PIDD1: variants seen among roughly 807,000 people sequenced by gnomAD.
PIDD1 encodes the protein p53-induced death domain protein 1.
A neutral mutation model predicts 80.0 loss-of-function variants in PIDD1; 72 were observed. The observed-to-expected ratio is 0.90, with a 90% CI of 0.74 to 1.09. The LOEUF (loss-of-function observed/expected upper bound fraction) is 1.09, where lower values mean the gene tolerates loss of function less well. PIDD1 is among the 50% of genes least tolerant of loss of function. The pLI, the probability that PIDD1 is intolerant of heterozygous loss-of-function variation, is 0.00. For missense variants in PIDD1, 1,329 were observed against 1,228.3 expected (o/e 1.08, Z -1.23); for synonymous variants, 655 against 543.5 (o/e 1.21, Z -2.85).
chr11:800,105 G>A (rs113472855), intron 14 of PIDD1, 26 bp downstream of exon 14: 10 of 1,605,214 alleles, frequency 6.2e-6, no homozygotes, highest in African/African-American at 2.7e-5. Flanking sequence ...GTCCTGCCCC[G>A]CCCCTCTGCT....
chr11:804,219 T>C lies in PIDD1; in HGVS notation c.170A>G (p.Gln57Arg). 6.2e-7 allele frequency: 1 copy of C among 1,613,118 alleles called. No homozygotes were observed. Among genetic ancestry groups the C allele is most frequent in the Middle Eastern group, 1.6e-4 (1 of 6,062 alleles). ...TTCCACCTGCAGCAGCTGCAGAGGC[T>C]GCTGGACACACAGGTGCAGCAGCTG... is the stretch of plus-strand genomic sequence containing the variant. Reference protein sequence around the residue: ...CQQLLHLCVQQPLQLLQVEFL... With the variant: ...CQQLLHLCVQRPLQLLQVEFL... Residue 57 changes from glutamine (Q) to arginine (R), a missense_variant, in exon 2 of 16, where the codon CAG becomes CGG. Coordinates refer to ENST00000347755, the MANE Select transcript of PIDD1 (RefSeq NM_145886.4).
In PIDD1 at chr11:799,509, G is replaced by A. The variant is rs1283399313; in HGVS notation, c.2531C>T (p.Ala844Val). ...GAGCCCCACAGCCCCTGGCTGCCCA[G>A]CCTGGCGCTCAGCCCAGGAGAAGAG... Reference protein sequence around the residue: ...HMLFSWAERQAGQPGAVGLLV... With the variant: ...HMLFSWAERQVGQPGAVGLLV... Residue 844 changes from alanine (A) to valine (V), a missense_variant, in exon 16 of 16, where the codon GCT becomes GTT. Physicochemically the swap from Ala to Val is moderately conservative, Grantham distance 64. Transcript: ENST00000347755. 6.2e-7 allele frequency: 1 copy of A among 1,606,600 alleles called. No homozygotes were observed. The highest frequency in any genetic ancestry group is 1.1e-5 in the South Asian group (1 of 91,064).
chr11:801,906 G>A, intron 7 of PIDD1, 59 bp downstream of exon 7: 23 of 1,579,454 alleles, frequency 1.5e-5, no homozygotes, highest in Non-Finnish European at 1.9e-5. Context: ...CTGGGCAGAG[G>A]TGCACGGCTC....
At chr11:806,582 CT>C (rs367814833), upstream of PIDD1, among the ~76,000 whole-genome samples, 7,177 of 143,882 alleles carry the variant, frequency 0.05, 412 homozygotes, top group East Asian at 0.26. Context: ...CTGGAGGGAT[CT>C]TTTTTTTTTT....
chr11:800,668 T>A lies in PIDD1; in HGVS notation c.1918-2A>T. ...CAGCCGCCGAAGGGTGGCGTCCACC[T>A]GCGGGGAAGCCCGTGCAGCTCAGGA... On this transcript the variant is annotated splice_acceptor_variant, in intron 11 of 15. Transcript: ENST00000347755. LOFTEE classifies it high-confidence loss of function. 1 of 1,579,402 alleles carries A rather than the reference T, an allele frequency of 6.3e-7. No homozygotes were observed. Among genetic ancestry groups the A allele is most frequent in the South Asian group, 1.1e-5 (1 of 88,342 alleles).
upstream of PIDD1, among the ~76,000 whole-genome samples, chr11:807,559 C>T (rs780877248): frequency 1.1e-4 from 16 of 151,334 alleles, no homozygotes; most frequent in Non-Finnish European, 2.2e-4. Flanking sequence ...GGGTAGATCA[C>T]GAGGTCAGGA....
At chr11:803,649 T>C in intron 2 of PIDD1, 62 bp from the exon 3 acceptor site, 1 of 1,541,226 alleles carries the variant, frequency 6.5e-7, no homozygotes, top group Non-Finnish European at 8.8e-7. Context: ...AGATCGACCC[T>C]GCCAGCCAGA....
upstream of PIDD1, chr11:805,706 C>T (rs1013842222): frequency 1.0e-6 from 1 of 983,748 alleles, no homozygotes. Flanking sequence ...CCTCTCTGGG[C>T]CTGCAAAGAC....
intron 15 of PIDD1, 78 bp from the exon 16 acceptor site, chr11:799,643 G>A: frequency 1.4e-6 from 2 of 1,481,348 alleles, no homozygotes. Context: ...CTCGGAGTGT[G>A]GGGGAGTTCC....
chr11:803,474 G>A lies in PIDD1; in HGVS notation c.409C>T (p.Leu137=), dbSNP rs1383580968. ...AGGACACAGGCCGGCAGTGTCTCCA[G>A]GCTGTTGAAGCTCAGGTCCAGGTGG... ...LAHLDLSFNS[L]ETLPACVLQM... Residue 137 remains leucine (L), a synonymous_variant, in exon 3 of 16, where the codon CTG becomes TTG. Transcript: ENST00000347755. 6.2e-7 allele frequency: 1 copy of A among 1,613,796 alleles called. No homozygotes were observed. Among genetic ancestry groups the A allele is most frequent in the Admixed American group, 1.7e-5 (1 of 60,014 alleles).
At chr11:806,117 A>AAAT (rs1212360591), upstream of PIDD1, 1 of 152,682 alleles carries the variant, frequency 6.5e-6, no homozygotes, top group Non-Finnish European at 1.5e-5. Flanking sequence ...AAAAAAAAAA[A>AAAT]ATCAGATATT....
chr11:808,258 C>G (rs569773371), upstream of PIDD1, among the ~76,000 whole-genome samples: 15 of 151,884 alleles, frequency 9.9e-5, no homozygotes, highest in East Asian at 2.9e-3. Context: ...GAAACCCCGT[C>G]TGTACTAAAA....
At position 801,048 on chromosome 11, in the gene PIDD1, G is replaced by A; in HGVS notation, c.1703C>T (p.Thr568Ile). ...GGTGAGCTCCAGGACCACCTGAGCT[G>A]TGATGTCATCCCAGGTGGCTGCAGG... ...APPAATWDDI[T>I]AQVVLELTHL... Residue 568 changes from threonine to isoleucine, a missense_variant, in exon 10 of 16, where the codon ACA becomes ATA. Coordinates refer to ENST00000347755, the MANE Select transcript of PIDD1 (RefSeq NM_145886.4). 6.2e-7 allele frequency: 1 copy of A among 1,601,316 alleles called. No individual in the cohort carries two copies.
upstream of PIDD1, chr11:805,238 C>T (rs1441041964): frequency 1.0e-5 from 10 of 982,676 alleles, no homozygotes; most frequent in Non-Finnish European, 8.5e-6. Context: ...GCCTGGGATC[C>T]CGCCGGCGCG....
At chr11:804,800 G>C in intron 1 of PIDD1, 1 of 184,054 alleles carries the variant, frequency 5.4e-6, no homozygotes, top group Non-Finnish European at 1.1e-5. Context: ...CCCCAGTCCT[G>C]GAGATGAGTC....
chr11:801,697 A>G, intron 7 of PIDD1, 73 bp from the exon 8 acceptor site: 1 of 1,329,686 alleles, frequency 7.5e-7, no homozygotes, highest in African/African-American at 1.5e-5. Flanking sequence ...AGGGAGCAGG[A>G]TCCAGGAGAG....
At chr11:803,105 T>C in intron 3 of PIDD1, 69 bp downstream of exon 3, 1 of 1,216,548 alleles carries the variant, frequency 8.2e-7, no homozygotes, top group Non-Finnish European at 1.2e-6. Flanking sequence ...CAGAGGCCCC[T>C]GCAGAAGACA....
rs2133794512 is a variant in PIDD1 at position 802,771 on chromosome 11, T to C, written c.830A>G (p.Asp277Gly). Residue 277 changes from aspartate (D) to glycine (G), a missense_variant, in exon 4 of 16, where the codon GAC becomes GGC. Physicochemically the swap from Asp to Gly is moderately conservative, Grantham distance 94. Transcript: ENST00000347755. Reference sequence around the variant, plus strand: ...GGCGTCTAGCAGCTCAGGGGGCAGGTCCCGGAGCTGGTTGTCCCTCAGGTC... The same window carrying C: ...GGCGTCTAGCAGCTCAGGGGGCAGGCCCCGGAGCTGGTTGTCCCTCAGGTC... The part of the protein sequence containing the change: ...RLDLRDNQLR[D>G]LPPELLDAPF... 2 of 1,608,970 alleles carry C rather than the reference T, an allele frequency of 1.2e-6. No individual in the cohort carries two copies. Among genetic ancestry groups the C allele is most frequent in the Non-Finnish European group, 1.7e-6 (2 of 1,178,316 alleles).
In PIDD1 at chr11:803,437, C is replaced by G; in HGVS notation, c.446G>C (p.Gly149Ala). 6.2e-7 allele frequency: 1 copy of G among 1,613,900 alleles called. No homozygotes were observed. Among genetic ancestry groups the G allele is most frequent in the South Asian group, 1.1e-5 (1 of 91,086 alleles). Residue 149 changes from glycine (G) to alanine (A), a missense_variant, in exon 3 of 16, where the codon GGT becomes GCT. Transcript: ENST00000347755. ...TLPACVLQMR[G>A]LGALLLSHNC... is the part of the protein sequence containing the mutation. Reference sequence around the variant, plus strand: ...GTGAGACAGCAAGAGCGCACCCAGACCTCGCATCTGCAGGACACAGGCCGG... The same window carrying G: ...GTGAGACAGCAAGAGCGCACCCAGAGCTCGCATCTGCAGGACACAGGCCGG...
Sources: gnomAD v4.1 joint callset for allele counts (sites outside exome capture counted in the v4.1 genomes callset) on GRCh38, gnomAD v4.1.1 for gene constraint, MANE v1.5 for transcripts, NCBI Gene and HGNC (gene_info 2026-07-23, HGNC 2026-07-21) for gene names.